The following CPNE4 variants were observed in gnomAD, a reference collection of about 807,000 sequenced individuals.
The protein encoded by CPNE4 is copine 4.
A neutral mutation model predicts 67.9 loss-of-function variants in CPNE4; 25 were observed. The observed-to-expected ratio is 0.37, with a 90% CI of 0.27 to 0.51. The LOEUF is 0.51. CPNE4 is among the 20% of genes least tolerant of loss of function. The probability of loss-of-function intolerance (pLI) is 0.93; values close to 1 mark genes in which losing one functional copy is unlikely to be tolerated. For missense variants in CPNE4, 464 were observed against 690.8 expected, an observed-to-expected ratio of 0.67 and a Z score of 3.68; for synonymous variants, 242 against 244.9, an observed-to-expected ratio of 0.99 and a Z score of 0.11.
At position 131,750,962 on chromosome 3, in the gene CPNE4, A is replaced by G. The variant is rs1036426648; in HGVS notation, c.181-27337T>C. Among the ~76,000 whole-genome samples, 3 of 152,218 alleles carry G rather than the reference A, an allele frequency of 2.0e-5. No individual in the cohort carries two copies. In the East Asian group the frequency reaches 5.8e-4, roughly 29 times the overall value. ...GTTCTTTTCTTTTAGAACTGGAAAA[A>G]TATTATGCCCCTTCCTTCTTTCTTC... On this transcript the variant is annotated intron_variant, in intron 2 of 15. Transcript: ENST00000429747.
At chr3:131,973,974 A>C (rs1264315005) in intron 1 of CPNE4, among the ~76,000 whole-genome samples, 1 of 152,178 alleles carries the variant, frequency 6.6e-6, no homozygotes, top group Non-Finnish European at 1.5e-5. Context: ...TGTTATCCCA[A>C]ACTGCAGTCC....
chr3:131,570,203 TGACA>T (rs1371235709), intron 10 of CPNE4, among the ~76,000 whole-genome samples: 2 of 151,916 alleles, frequency 1.3e-5, no homozygotes, highest in African/African-American at 4.8e-5. Context: ...TTTAGGTTGC[TGACA>T]GAGTGCCTGT....
intron 2 of CPNE4, among the ~76,000 whole-genome samples, chr3:131,822,941 C>T (rs1312166085): frequency 2.0e-5 from 3 of 152,034 alleles, no homozygotes; most frequent in Non-Finnish European, 2.9e-5. Context: ...TGGGTTCAAG[C>T]GATTCTCTTG....
At chr3:132,004,173 T>C (rs1185100652) in intron 1 of CPNE4, among the ~76,000 whole-genome samples, 10 of 148,832 alleles carry the variant, frequency 6.7e-5, no homozygotes, top group African/African-American at 2.2e-4. Context: ...CTGTGAAAAT[T>C]ACAAAAAAAA....
intron 1 of CPNE4, among the ~76,000 whole-genome samples, chr3:132,029,121 C>G (rs756428614): frequency 6.6e-6 from 1 of 152,084 alleles, no homozygotes; most frequent in African/African-American, 2.4e-5. Context: ...AAAACTGTAG[C>G]CCAAATTTAA....
chr3:132,024,745 A>C (rs1315227522), intron 1 of CPNE4, among the ~76,000 whole-genome samples: 1 of 152,190 alleles, frequency 6.6e-6, no homozygotes, highest in Non-Finnish European at 1.5e-5. Flanking sequence ...TCATAAATTG[A>C]TTGACAGGGT....
At chr3:131,715,640 G>A (rs2081665847) in intron 3 of CPNE4, among the ~76,000 whole-genome samples, 1 of 152,206 alleles carries the variant, frequency 6.6e-6, no homozygotes, top group African/African-American at 2.4e-5. Flanking sequence ...GCTTCACCCA[G>A]TGCCTACTAA....
At chr3:131,592,799 A>C (rs1210665312) in intron 7 of CPNE4, among the ~76,000 whole-genome samples, 1 of 151,996 alleles carries the variant, frequency 6.6e-6, no homozygotes, top group Non-Finnish European at 1.5e-5. Flanking sequence ...TAGTGAGCAC[A>C]CCAAACAGTA....
At chr3:131,809,043 G>A (rs1170909251) in intron 2 of CPNE4, among the ~76,000 whole-genome samples, 1 of 152,144 alleles carries the variant, frequency 6.6e-6, no homozygotes, top group East Asian at 1.9e-4. Context: ...GCGTGCATGT[G>A]TGCGGGTACA....
In CPNE4 at chr3:132,034,607, C is replaced by A. The variant is rs2074307169; in HGVS notation, c.-42G>T. The A allele has an allele frequency of 2.0e-6, 2 of 985,424 alleles. No individual in the cohort carries two copies. The allele number at this position is 985,424 out of a possible 1,614,324, so 61.0% of individuals were successfully genotyped here. On this transcript the variant is annotated 5_prime_UTR_variant, in exon 1 of 16. Coordinates refer to ENST00000429747, the MANE Select transcript of CPNE4 (RefSeq NM_130808.3). ...TCGAAGAGTGGAGAGAGAATTCAGC[C>A]CGGGACGAGGTCTGTCCCGCCCCCA...
chr3:131,836,648 G>A (rs757264886), intron 2 of CPNE4, among the ~76,000 whole-genome samples: 9 of 152,186 alleles, frequency 5.9e-5, no homozygotes, highest in Non-Finnish European at 1.3e-4. Flanking sequence ...ATCTGTCTCT[G>A]CATGACCAAG....
chr3:131,571,787 C>T (rs16837140), intron 10 of CPNE4, among the ~76,000 whole-genome samples: 16,651 of 151,912 alleles, frequency 0.11, 1,144 homozygotes, highest in African/African-American at 0.19. Context: ...CGTCAATATC[C>T]TTTGGAACAT....
chr3:131,676,909 T>C (rs34987789), intron 6 of CPNE4, among the ~76,000 whole-genome samples: 51,386 of 151,984 alleles, frequency 0.34, 9,022 homozygotes, highest in African/African-American at 0.41. Flanking sequence ...AATGAGATTA[T>C]TGGGTTGAAT....
chr3:131,557,169 TC>T (rs1936503999), intron 11 of CPNE4, among the ~76,000 whole-genome samples: 1 of 152,160 alleles, frequency 6.6e-6, no homozygotes, highest in African/African-American at 2.4e-5. Flanking sequence ...AGTTGTGCTG[TC>T]GGGTGGCTGT....
intron 7 of CPNE4, among the ~76,000 whole-genome samples, chr3:131,625,287 TAAAC>T (rs1315776996): frequency 1.3e-5 from 2 of 152,204 alleles, no homozygotes; most frequent in African/African-American, 4.8e-5. Context: ...CCATTCTCTC[TAAAC>T]AAACATTTAT....
At chr3:131,801,402 A>ATATGGTACATATATATATAT (rs71622077) in intron 2 of CPNE4, among the ~76,000 whole-genome samples, 2 of 113,950 alleles carry the variant, frequency 1.8e-5, no homozygotes, top group African/African-American at 3.5e-5. Context: ...ATATATATAT[A>ATATGGTACATATATATATAT]GGTACATATA....
At chr3:131,906,803 T>C (rs1224732722) in intron 1 of CPNE4, among the ~76,000 whole-genome samples, 2 of 151,754 alleles carry the variant, frequency 1.3e-5, no homozygotes, top group Non-Finnish European at 2.9e-5. Context: ...GTATTTCCAG[T>C]TCTAGATCCC....
chr3:131,765,532 T>C (rs1420884147), intron 2 of CPNE4, among the ~76,000 whole-genome samples: 2 of 152,064 alleles, frequency 1.3e-5, no homozygotes, highest in East Asian at 3.9e-4. Flanking sequence ...TTAAATTACC[T>C]AGCCCAGACC....
chr3:131,862,783 G>A (rs9682807), intron 2 of CPNE4, among the ~76,000 whole-genome samples: 47,875 of 151,434 alleles, frequency 0.32, 8,112 homozygotes, highest in East Asian at 0.43. Context: ...ATGTATACAT[G>A]TGCCATGTTG....
Sources: allele counts gnomAD v4.1 joint callset (sites outside exome capture counted in the v4.1 genomes callset), GRCh38; gene constraint gnomAD v4.1.1; transcripts MANE v1.5; gene names NCBI Gene and HGNC (gene_info 2026-07-23, HGNC 2026-07-21).